DNAH14: variants seen among roughly 807,000 people sequenced by gnomAD.
DNAH14 encodes axonemal beta dynein heavy chain 14.
A neutral mutation model predicts 520.9 loss-of-function variants in DNAH14; 478 were observed. That is an observed-to-expected ratio of 0.92 (90% CI 0.85 to 0.99). DNAH14 has a LOEUF of 0.99. Among genes scored for constraint, DNAH14 ranks in the 50% least tolerant of loss-of-function variants. DNAH14 has a pLI of 0.00. For synonymous variants in DNAH14, 1,581 were observed against 1,757.2 expected (o/e 0.90, Z 2.51); for missense variants, 4,831 against 5,234.5 (o/e 0.92, Z 2.38).
rs797003232 is a variant in DNAH14 at position 225,283,918 on chromosome 1, C to T, written c.8272-5967C>T. On this transcript the variant is annotated intron_variant, in intron 54 of 85. Transcript: ENST00000682510. Reference sequence around the variant, plus strand: ...TAATAACTATGTGGAACTTTTACAACGTACTCCTAAATGGGTGAAAGAAGA... The same window carrying T: ...TAATAACTATGTGGAACTTTTACAATGTACTCCTAAATGGGTGAAAGAAGA... Among the ~76,000 whole-genome samples, 7 of 151,966 alleles carry T rather than the reference C, an allele frequency of 4.6e-5. No homozygotes were observed. In the East Asian group the frequency reaches 7.7e-4, roughly 17 times the overall value.
chr1:225,123,518 A>G lies in DNAH14; in HGVS notation c.4167-9A>G. On this transcript the variant is annotated splice_polypyrimidine_tract_variant and intron_variant, in intron 26 of 85. Transcript: ENST00000682510. ...TATAAATAACATAAATAAATTTTTT[A>G]ATTTGTAGATTTTTAAGTCAAGGGA... 2.4e-6 allele frequency: 1 copy of G among 411,562 alleles called. No homozygotes were observed. Among genetic ancestry groups the G allele is most frequent in the Non-Finnish European group, 5.0e-6 (1 of 198,832 alleles). 25.5% of individuals were successfully genotyped at this position (411,562 alleles called of 1,614,324 possible).
Position 225,346,561 on chromosome 1 carries a change from A to G in DNAH14, c.11203A>G (p.Ile3735Val). The change falls in exon 71 of 86, where the codon ATT becomes GTT. Residue 3735 changes from isoleucine (I) to valine (V), a missense_variant. By Grantham distance (29) the Ile-to-Val change is conservative. Transcript: ENST00000682510. The part of the protein sequence containing the change: ...NANGNLIQDD[I>V]GFLPEEEWNI... Reference sequence around the variant, plus strand: ...TAATGGAAATCTAATACAGGATGACATTGGATTCCTACCAGAAGAAGAATG... The same window carrying G: ...TAATGGAAATCTAATACAGGATGACGTTGGATTCCTACCAGAAGAAGAATG... The G allele has an allele frequency of 6.4e-7, 1 of 1,551,214 alleles. No individual in the cohort carries two copies. The highest frequency in any genetic ancestry group is 8.7e-7 in the Non-Finnish European group (1 of 1,146,686).
At chr1:225,034,581 G>T (rs1294175589) in intron 11 of DNAH14, among the ~76,000 whole-genome samples, 1 of 149,296 alleles carries the variant, frequency 6.7e-6, no homozygotes, top group African/African-American at 2.5e-5. Context: ...GATGATGCTG[G>T]CCTCATAGAA....
At position 225,364,813 on chromosome 1, in the gene DNAH14, A is replaced by G. The variant is rs1188051976; in HGVS notation, c.12009A>G (p.Thr4003=). Residue 4003 remains threonine, a synonymous_variant, in exon 76 of 86, where the codon ACA becomes ACG. Coordinates refer to ENST00000682510, the MANE Select transcript of DNAH14 (RefSeq NM_001367479.1). Reference sequence around the variant, plus strand: ...GCAGTTTTAATAGTCCAAACGTGACAATAGACCCTGAGTTTCGGCTATGGT... The same window carrying G: ...GCAGTTTTAATAGTCCAAACGTGACGATAGACCCTGAGTTTCGGCTATGGT... ...IVESFNSPNV[T]IDPEFRLWLS... The G allele has an allele frequency of 1.9e-6, 3 of 1,548,388 alleles. No individual in the cohort carries two copies. The highest frequency in any genetic ancestry group is 2.0e-5 in the Admixed American group (1 of 50,828).
At chr1:225,159,254 G>C in intron 34 of DNAH14, 60 bp from the exon 35 acceptor site, 2 of 1,369,008 alleles carry the variant, frequency 1.5e-6, no homozygotes, top group Non-Finnish European at 2.0e-6. Context: ...ATGGTCTTCA[G>C]TGTCTGCAGA....
chr1:225,323,856 C>T (rs2094601321), intron 62 of DNAH14, among the ~76,000 whole-genome samples: 1 of 151,972 alleles, frequency 6.6e-6, no homozygotes, highest in African/African-American at 2.4e-5. Context: ...TCACTCTGTG[C>T]ACTCGCTGGA....
intron 43 of DNAH14, among the ~76,000 whole-genome samples, chr1:225,242,305 T>G (rs915224994): frequency 1.3e-5 from 2 of 152,088 alleles, no homozygotes; most frequent in Admixed American, 6.5e-5. Context: ...AAAATTTTAA[T>G]TTTTTTCACT....
intron 17 of DNAH14, among the ~76,000 whole-genome samples, chr1:225,056,136 C>A (rs897762550): frequency 6.6e-6 from 1 of 151,754 alleles, no homozygotes; most frequent in Non-Finnish European, 1.5e-5. Flanking sequence ...GGTTGAACTA[C>A]TTTACAGCCC....
At chr1:225,132,746 T>C (rs999347483) in intron 27 of DNAH14, among the ~76,000 whole-genome samples, 1 of 152,206 alleles carries the variant, frequency 6.6e-6, no homozygotes, top group African/African-American at 2.4e-5. Context: ...GTAATGGGAT[T>C]GCTGGATCAA....
intron 55 of DNAH14, among the ~76,000 whole-genome samples, chr1:225,292,315 A>G (rs1001319348): frequency 2.0e-5 from 3 of 152,220 alleles, no homozygotes; most frequent in East Asian, 1.9e-4. Context: ...ATTCTTCTAT[A>G]TATGGATATT....
chr1:225,139,542 G>A (rs978566172), intron 27 of DNAH14, among the ~76,000 whole-genome samples: 1 of 152,132 alleles, frequency 6.6e-6, no homozygotes, highest in Non-Finnish European at 1.5e-5. Context: ...AAGACACATG[G>A]GAGAATGCAG....
chr1:225,129,232 G>C (rs1279044250), intron 27 of DNAH14, among the ~76,000 whole-genome samples: 3 of 152,034 alleles, frequency 2.0e-5, no homozygotes, highest in Non-Finnish European at 4.4e-5. Context: ...CATGAAAATG[G>C]CCATACTGCC....
chr1:225,066,563 T>C (rs1055367111), intron 17 of DNAH14, among the ~76,000 whole-genome samples: 4 of 152,030 alleles, frequency 2.6e-5, no homozygotes, highest in Non-Finnish European at 5.9e-5. Context: ...ATAAGTTCTT[T>C]AGTGGTGATT....
At chr1:225,284,092 G>A (rs1038420464) in intron 54 of DNAH14, among the ~76,000 whole-genome samples, 10 of 151,844 alleles carry the variant, frequency 6.6e-5, no homozygotes, top group Admixed American at 5.9e-4. Flanking sequence ...TCCACCTTAG[G>A]AAAATACCAA....
At chr1:225,388,787 T>C (rs186545599) in intron 82 of DNAH14, among the ~76,000 whole-genome samples, 1 of 152,308 alleles carries the variant, frequency 6.6e-6, no homozygotes, top group East Asian at 1.9e-4. Flanking sequence ...TGTAATTTTT[T>C]TTTTTTGAGC....
chr1:225,048,023 A>G (rs1363020164), intron 15 of DNAH14, among the ~76,000 whole-genome samples: 1 of 152,206 alleles, frequency 6.6e-6, no homozygotes, highest in Non-Finnish European at 1.5e-5. Flanking sequence ...CATACAAAAC[A>G]GTTCCATCAT....
rs79060727 is a variant in DNAH14 at position 225,351,886 on chromosome 1, A to G, written c.11533+3A>G. ...AAATACAAAACCACCAGAGGAAAGT[A>G]AGAAAGCATTCAGTGTTTTAACCTA... On this transcript the variant is annotated splice_donor_region_variant and intron_variant, in intron 72 of 85. Transcript: ENST00000682510. 4,673 of 1,548,852 alleles carry G rather than the reference A, an allele frequency of 3.0e-3. 11 individuals are homozygous for G. Among genetic ancestry groups the G allele is most frequent in the East Asian group, 0.012 (488 of 40,888 alleles).
Position 225,043,751 on chromosome 1 carries a change from A to G in DNAH14, c.1776A>G (p.Glu592=). Residue 592 remains glutamate (E), a synonymous_variant, in exon 14 of 86, where the codon GAA becomes GAG. Transcript: ENST00000682510. ...TTCAATGGATTCTAATAGACACAGA[A>G]ATTGAGACTGAGTTTGAGAATAAAT... ...YNLEDIISDT[E]IETEFENKYM... 1 of 1,462,002 alleles carries G rather than the reference A, an allele frequency of 6.8e-7. No homozygotes were observed. Among genetic ancestry groups the G allele is most frequent in the Middle Eastern group, 1.8e-4 (1 of 5,712 alleles). 90.6% of individuals were successfully genotyped at this position (1,462,002 alleles called of 1,614,324 possible). A position where few individuals can be genotyped will look rare whatever the true frequency, so the allele number is the denominator to read the frequency against.
chr1:225,238,757 A>G (rs2091776198), intron 42 of DNAH14, among the ~76,000 whole-genome samples: 1 of 151,556 alleles, frequency 6.6e-6, no homozygotes, highest in Non-Finnish European at 1.5e-5. Context: ...AGCCAGCCCC[A>G]CCTCCAGGAG....
Sources: gnomAD v4.1 joint callset for allele counts (sites outside exome capture counted in the v4.1 genomes callset) on GRCh38, gnomAD v4.1.1 for gene constraint, MANE v1.5 for transcripts, NCBI Gene and HGNC (gene_info 2026-07-23, HGNC 2026-07-21) for gene names.